RAD51B: variants seen among roughly 807,000 people sequenced by gnomAD.
RAD51B encodes the protein DNA repair protein RAD51 homolog 2.
RAD51B carries 38 observed loss-of-function variants against 42.2 expected under a neutral mutation model. The ratio of observed to expected loss-of-function variants is 0.90; its 90% CI spans 0.70 to 1.18. The LOEUF is 1.18. Among genes scored for constraint, RAD51B ranks in the 50% most tolerant of loss-of-function variants. The pLI is 0.00. For missense variants in RAD51B, 373 were observed against 400.7 expected (o/e 0.93, Z 0.59); for synonymous variants, 154 against 145.2 (o/e 1.06, Z -0.43).
chr14:68,498,688 C>T (rs1170747417), intron 10 of RAD51B, among the ~76,000 whole-genome samples: 2 of 152,144 alleles, frequency 1.3e-5, no homozygotes, highest in African/African-American at 4.8e-5. Context: ...CCACCAGAGC[C>T]CCATGCAATT....
intron 10 of RAD51B, among the ~76,000 whole-genome samples, chr14:68,542,363 G>T (rs1025433107): frequency 3.3e-5 from 5 of 152,220 alleles, no homozygotes; most frequent in African/African-American, 1.2e-4. Flanking sequence ...CTTATTATTT[G>T]CTTGTGCTTA....
At chr14:68,087,961 AAT>A (rs1451995092) in intron 7 of RAD51B, among the ~76,000 whole-genome samples, 73 of 114,164 alleles carry the variant, frequency 6.4e-4, no homozygotes, top group African/African-American at 2.8e-3. Flanking sequence ...ATAATTATAT[AAT>A]TTATTATTAT....
intron 9 of RAD51B, among the ~76,000 whole-genome samples, chr14:68,441,315 G>A (rs71425361): frequency 0.12 from 17,137 of 145,300 alleles, 1,336 homozygotes; most frequent in East Asian, 0.42. Flanking sequence ...GGCCGAGGTG[G>A]GTGGATCACG....
At position 68,565,151 on chromosome 14, in the gene RAD51B, T is replaced by A. The variant is rs12588940; in HGVS notation, c.1037-29334T>A. On this transcript the variant is annotated intron_variant, in intron 10 of 10. Coordinates refer to the RAD51B transcript ENST00000487270. This position sits in a 1 kb window ranked among gnomAD's most constrained non-coding sequence, Gnocchi z 4.1. ...AACACAAAGGTTTAAGCGCTCACTATAAGAAGGTCAGGGGACCCTTTTCTC... is the reference window on the plus strand; with the variant it reads ...AACACAAAGGTTTAAGCGCTCACTAAAAGAAGGTCAGGGGACCCTTTTCTC... Among the ~76,000 whole-genome samples the A allele has an allele frequency of 0.25, 38,735 of 152,052 alleles. 5,034 individuals are homozygous for A. The highest frequency in any genetic ancestry group is 0.41 in the East Asian group (2,109 of 5,156).
At chr14:68,360,238 G>A (rs150656495) in intron 8 of RAD51B, among the ~76,000 whole-genome samples, 199 of 152,214 alleles carry the variant, frequency 1.3e-3, no homozygotes, top group African/African-American at 4.2e-3. Flanking sequence ...AGCCCACCAC[G>A]TGCCTCTGCA....
At chr14:68,562,287 C>T in intron 10 of RAD51B, 1 of 985,410 alleles carries the variant, frequency 1.0e-6, no homozygotes, top group Non-Finnish European at 1.2e-6. Flanking sequence ...CGGAAAATGC[C>T]ACTTTTGAAC....
intron 9 of RAD51B, among the ~76,000 whole-genome samples, chr14:68,415,031 C>CAAAA (rs71129885): frequency 0.035 from 1,150 of 32,488 alleles, 207 homozygotes; most frequent in East Asian, 0.054. Flanking sequence ...GACTCTGTCT[C>CAAAA]AAAAAAAAAA....
intron 7 of RAD51B, among the ~76,000 whole-genome samples, chr14:68,208,906 C>A (rs982555279): frequency 6.6e-6 from 1 of 152,178 alleles, no homozygotes; most frequent in African/African-American, 2.4e-5. Context: ...GTAGCCAGCA[C>A]CCACAGGCAA....
At chr14:67,852,731 A>G (rs955662517) in intron 4 of RAD51B, among the ~76,000 whole-genome samples, 1 of 152,122 alleles carries the variant, frequency 6.6e-6, no homozygotes, top group Non-Finnish European at 1.5e-5. Context: ...GCCGCCTACC[A>G]CTGATATATG....
At chr14:68,245,756 A>G (rs1335783017) in intron 7 of RAD51B, among the ~76,000 whole-genome samples, 1 of 152,158 alleles carries the variant, frequency 6.6e-6, no homozygotes, top group East Asian at 1.9e-4. Flanking sequence ...TCCCAAACCA[A>G]GACTGTTCAA....
intron 7 of RAD51B, among the ~76,000 whole-genome samples, chr14:68,207,438 C>A (rs984637616): frequency 6.6e-6 from 1 of 152,012 alleles, no homozygotes; most frequent in Non-Finnish European, 1.5e-5. Flanking sequence ...GATAGAAAAT[C>A]GAAATTCACA....
intron 10 of RAD51B, among the ~76,000 whole-genome samples, chr14:68,530,446 C>CAAAAAAAAAAAAAATAAAAAAAAAAAAA (rs1887214862): frequency 1.5e-5 from 1 of 67,844 alleles, no homozygotes; most frequent in Non-Finnish European, 2.8e-5. Context: ...GACCCTGTCT[C>CAAAAAAAAAAAAAATAAAAAAAAAAAAA]AAAAAAAAAA....
chr14:68,408,003 G>A (rs2084322668), intron 8 of RAD51B, among the ~76,000 whole-genome samples: 2 of 152,184 alleles, frequency 1.3e-5, no homozygotes, highest in Non-Finnish European at 2.9e-5. Context: ...GTGCTTAGGT[G>A]TGTGCTTGGA....
chr14:67,947,013 T>C (rs2045418770), intron 7 of RAD51B, among the ~76,000 whole-genome samples: 1 of 152,232 alleles, frequency 6.6e-6, no homozygotes, highest in Admixed American at 6.5e-5. Flanking sequence ...CTTTTAATAG[T>C]AGCCCTGTTA....
At chr14:68,537,169 T>C (rs928384357) in intron 10 of RAD51B, among the ~76,000 whole-genome samples, 6 of 148,160 alleles carry the variant, frequency 4.0e-5, no homozygotes, top group African/African-American at 1.5e-4. Context: ...TGAATAGAGA[T>C]CCTACCTTAA....
At chr14:67,827,931 A>T (rs143023422) in intron 3 of RAD51B, among the ~76,000 whole-genome samples, 3,983 of 152,254 alleles carry the variant, frequency 0.026, 90 homozygotes, top group African/African-American at 0.062. Context: ...GCTATTGTGA[A>T]TAGTGCTGCA....
rs529748083 is a variant in RAD51B at position 68,256,732 on chromosome 14, G to A, written c.757-35152G>A. ...ACCTCCTTCCCGAGCCTTTCCTATT[G>A]TCTTACTCACTTCACCAATCTCTCT... On this transcript the variant is annotated intron_variant, in intron 7 of 10. Transcript: ENST00000471583. Among the ~76,000 whole-genome samples the A allele has an allele frequency of 6.6e-5, 10 of 152,118 alleles. 1 individual carries two copies. The highest frequency in any genetic ancestry group is 2.4e-4 in the African/African-American group (10 of 41,492).
intron 7 of RAD51B, among the ~76,000 whole-genome samples, chr14:68,127,889 T>C (rs1215169345): frequency 6.6e-6 from 1 of 152,200 alleles, no homozygotes; most frequent in Non-Finnish European, 1.5e-5. Context: ...GCCTGTTAGT[T>C]TGTGTCCCCT....
At chr14:68,571,639 T>G (rs887341416) in intron 10 of RAD51B, among the ~76,000 whole-genome samples, 1 of 152,240 alleles carries the variant, frequency 6.6e-6, no homozygotes, top group Non-Finnish European at 1.5e-5. Context: ...GTTAGCTAAC[T>G]AACAGCCTTA....
Sources: gnomAD v4.1 joint callset for allele counts (sites outside exome capture counted in the v4.1 genomes callset) on GRCh38, gnomAD v4.1.1 for gene constraint, Gnocchi (gnomAD v3.1) non-coding constraint, MANE v1.5 for transcripts, NCBI Gene and HGNC (gene_info 2026-07-23, HGNC 2026-07-21) for gene names.